Variants in PTPRJ observed in about 807,000 individuals in gnomAD.
The protein encoded by PTPRJ is receptor-type tyrosine-protein phosphatase eta.
Under a neutral mutation model 141.3 loss-of-function variants are expected in PTPRJ, and 129 were observed. That is an observed-to-expected ratio of 0.91 (90% confidence interval 0.79 to 1.06). The LOEUF (loss-of-function observed/expected upper bound fraction) is 1.06, where lower values mean the gene tolerates loss of function less well. Among genes scored for constraint, PTPRJ ranks in the 50% least tolerant of loss-of-function variants. The probability of loss-of-function intolerance (pLI) is 0.00; values close to 1 mark genes in which losing one functional copy is unlikely to be tolerated. For missense variants in PTPRJ, 1,601 were observed against 1,679.7 expected (o/e 0.95, Z 0.82); for synonymous variants, 610 against 640.5 (o/e 0.95, Z 0.72).
Position 48,167,869 on chromosome 11 carries a change from A to G in PTPRJ, c.*507A>G, listed in dbSNP as rs1047981694. ...GGCACCTCTTCCGAATGGGTTTTCT[A>G]TTTGAACATGTGCCTTTTCTGAATT... is the stretch of plus-strand genomic sequence containing the variant. On this transcript the variant is annotated 3_prime_UTR_variant, in exon 25 of 25. Transcript: ENST00000418331. 4.6e-5 allele frequency: 7 copies of G among 152,294 alleles called. No individual in the cohort carries two copies. The highest frequency in any genetic ancestry group is 1.9e-4 in the East Asian group (1 of 5,196). 9.4% of individuals were successfully genotyped at this position (152,294 alleles called of 1,614,324 possible). A position where few individuals can be genotyped will look rare whatever the true frequency, so the allele number is the denominator to read the frequency against.
rs149507764 is a variant in PTPRJ at position 48,038,610 on chromosome 11, G to C, written c.96+57602G>C. 3.2e-3 allele frequency among the ~76,000 whole-genome samples: 484 copies of C among 151,878 alleles called. 4 individuals carry two copies. Among genetic ancestry groups the C allele is most frequent in the African/African-American group, 0.011 (463 of 41,422 alleles). On this transcript the variant is annotated intron_variant, in intron 1 of 24. Transcript: ENST00000418331. ...GGATTCAAGTGAATCTTCTGCCTCA[G>C]CTTCCTGAGTAGCTGGGTCTACAGG...
At chr11:48,141,117 T>C (rs1259892727) in intron 11 of PTPRJ, among the ~76,000 whole-genome samples, 1 of 152,314 alleles carries the variant, frequency 6.6e-6, no homozygotes, top group East Asian at 1.9e-4. Context: ...GGTGGGAGGA[T>C]TGCTTGAGCC....
At chr11:48,049,508 T>C (rs1854497131) in intron 1 of PTPRJ, among the ~76,000 whole-genome samples, 2 of 137,064 alleles carry the variant, frequency 1.5e-5, no homozygotes, top group Non-Finnish European at 1.5e-5. Context: ...TGAAACCCCG[T>C]CTCTACTAAA....
At chr11:48,045,603 G>A (rs1041257573) in intron 1 of PTPRJ, among the ~76,000 whole-genome samples, 9 of 152,128 alleles carry the variant, frequency 5.9e-5, no homozygotes, top group African/African-American at 1.7e-4. Flanking sequence ...TTCTCTGCCC[G>A]CCTGTGGTTT....
At chr11:48,009,441 C>G (rs1169504880) in intron 1 of PTPRJ, among the ~76,000 whole-genome samples, 2 of 152,096 alleles carry the variant, frequency 1.3e-5, no homozygotes, top group African/African-American at 4.8e-5. Context: ...ACTAAAAATA[C>G]AAAAACTAGC....
At chr11:47,986,515 T>G (rs894339680) in intron 1 of PTPRJ, among the ~76,000 whole-genome samples, 14 of 152,180 alleles carry the variant, frequency 9.2e-5, no homozygotes, top group African/African-American at 3.4e-4. Flanking sequence ...TTAGTTCATA[T>G]GACAATTTTT....
chr11:48,133,506 A>T (rs1447138134), intron 8 of PTPRJ, among the ~76,000 whole-genome samples: 1 of 152,216 alleles, frequency 6.6e-6, no homozygotes, highest in Non-Finnish European at 1.5e-5. Context: ...TCTATTATCA[A>T]ATAACCTTTA....
chr11:48,058,042 G>T (rs1854808391), intron 1 of PTPRJ, among the ~76,000 whole-genome samples: 1 of 152,058 alleles, frequency 6.6e-6, no homozygotes, highest in Admixed American at 6.6e-5. Flanking sequence ...CTCCCGAGTA[G>T]CTGGGATTAC....
chr11:48,109,929 G>A (rs969463095), intron 1 of PTPRJ, 129 bp from the exon 2 acceptor site: 1 of 1,021,892 alleles, frequency 9.8e-7, no homozygotes, highest in Non-Finnish European at 1.5e-6. Context: ...ACCCTGACCA[G>A]CAGACCTTTG....
At chr11:48,006,742 C>T (rs1157293495) in intron 1 of PTPRJ, among the ~76,000 whole-genome samples, 1 of 152,098 alleles carries the variant, frequency 6.6e-6, no homozygotes, top group African/African-American at 2.4e-5. Flanking sequence ...GTTCAAGTGG[C>T]AAGGCGGACC....
At chr11:48,089,185 T>C (rs1261414675) in intron 1 of PTPRJ, among the ~76,000 whole-genome samples, 1 of 152,222 alleles carries the variant, frequency 6.6e-6, no homozygotes, top group Non-Finnish European at 1.5e-5. Context: ...AAGGAAGCTA[T>C]GTCCTGTGTG....
At chr11:48,143,215 T>C (rs926574143) in intron 12 of PTPRJ, among the ~76,000 whole-genome samples, 165 bp downstream of exon 12, 1 of 152,232 alleles carries the variant, frequency 6.6e-6, no homozygotes, top group Non-Finnish European at 1.5e-5. Flanking sequence ...ATTTGCCTGA[T>C]GGTTGACAAA....
At chr11:48,059,650 C>G (rs1854865377) in intron 1 of PTPRJ, among the ~76,000 whole-genome samples, 1 of 152,200 alleles carries the variant, frequency 6.6e-6, no homozygotes, top group Non-Finnish European at 1.5e-5. Flanking sequence ...CATTCCTGCC[C>G]TCACAGGGTT....
chr11:48,069,935 A>G (rs938803453), intron 1 of PTPRJ, among the ~76,000 whole-genome samples: 24 of 152,212 alleles, frequency 1.6e-4, no homozygotes, highest in African/African-American at 5.8e-4. Flanking sequence ...CTGAAAAGTC[A>G]GTGGTGTGGG....
chr11:48,136,384 C>T, intron 9 of PTPRJ, 88 bp downstream of exon 9: 2 of 1,491,810 alleles, frequency 1.3e-6, no homozygotes, highest in African/African-American at 2.8e-5. Context: ...CAGTGTGCTT[C>T]TGGGATCCAG....
Position 48,123,744 on chromosome 11 carries a change from A to C in PTPRJ, c.748A>C (p.Thr250Pro). The part of the protein sequence containing the change: ...LESIGSHEEL[T>P]QDSRLQVNIS... ...AAGCATTGGAAGCCATGAGGAGTTG[A>C]CTCAAGACTCAAGACTTCAGGTCAA... The change falls in exon 5 of 25, where the codon ACT (threonine) becomes CCT (proline). Residue 250 changes from threonine (T) to proline (P), a missense_variant. Physicochemically the swap from Thr to Pro is conservative, Grantham distance 38 (BLOSUM62 -1). Coordinates refer to ENST00000418331, the MANE Select transcript of PTPRJ (RefSeq NM_002843.4). 1 of 1,614,028 alleles carries C rather than the reference A, an allele frequency of 6.2e-7. No homozygotes were observed. Among genetic ancestry groups the C allele is most frequent in the Non-Finnish European group, 8.5e-7 (1 of 1,180,004 alleles).
intron 1 of PTPRJ, among the ~76,000 whole-genome samples, chr11:48,060,912 T>G (rs1183467222): frequency 1.3e-5 from 2 of 152,246 alleles, no homozygotes; most frequent in Non-Finnish European, 2.9e-5. Flanking sequence ...ATTGCTCTTG[T>G]GTGCAGTGTG....
chr11:48,000,668 C>A (rs1322544080), intron 1 of PTPRJ, among the ~76,000 whole-genome samples: 2 of 152,006 alleles, frequency 1.3e-5, no homozygotes, highest in East Asian at 3.9e-4. Flanking sequence ...GACACTTGAA[C>A]CTACCCCGCC....
chr11:48,069,438 A>C (rs1487936716), intron 1 of PTPRJ, among the ~76,000 whole-genome samples: 1 of 136,982 alleles, frequency 7.3e-6, no homozygotes, highest in Non-Finnish European at 1.5e-5. Context: ...TAAAAACTAC[A>C]TTGATAATTT....
Sources: allele counts gnomAD v4.1 joint callset (sites outside exome capture counted in the v4.1 genomes callset), GRCh38; gene constraint gnomAD v4.1.1; transcripts MANE v1.5; gene names NCBI Gene and HGNC (gene_info 2026-07-23, HGNC 2026-07-21).